Variants in FGGY observed in about 807,000 individuals in gnomAD.
FGGY encodes FGGY carbohydrate kinase domain-containing protein.
In FGGY, 72 loss-of-function variants were observed where a neutral mutation model predicts 71.3. The ratio of observed to expected loss-of-function variants is 1.01; its 90% CI spans 0.84 to 1.23. FGGY has a LOEUF of 1.23. Ranked by LOEUF, FGGY falls within the 50% of genes most tolerant of loss-of-function variation. FGGY has a pLI of 0.00. For missense variants in FGGY, 668 were observed against 682.3 expected (o/e 0.98, Z 0.23); for synonymous variants, 251 against 250.3 (o/e 1.00, Z -0.02).
intron 8 of FGGY, among the ~76,000 whole-genome samples, chr1:59,592,773 T>C (rs1324448877): frequency 4.4e-5 from 5 of 114,582 alleles, no homozygotes; most frequent in Non-Finnish European, 8.5e-5. Context: ...CATCACACTC[T>C]GGGGACTGTT....
chr1:59,386,545 C>T (rs1290364572), intron 5 of FGGY, among the ~76,000 whole-genome samples: 2 of 151,950 alleles, frequency 1.3e-5, no homozygotes, highest in African/African-American at 2.4e-5. Context: ...CCACCCCCCA[C>T]CCCCCACCAT....
At chr1:59,699,805 T>C (rs1207393954) in intron 14 of FGGY, among the ~76,000 whole-genome samples, 1 of 152,214 alleles carries the variant, frequency 6.6e-6, no homozygotes, top group Non-Finnish European at 1.5e-5. Context: ...ATGTCCCGCG[T>C]TGATTGCAGA....
chr1:59,411,592 G>T (rs2063606201), intron 5 of FGGY, among the ~76,000 whole-genome samples: 1 of 152,116 alleles, frequency 6.6e-6, no homozygotes, highest in Non-Finnish European at 1.5e-5. Flanking sequence ...GTTTTTCTAT[G>T]ATTATAATTC....
At chr1:59,710,594 T>C (rs2097786824) in intron 14 of FGGY, among the ~76,000 whole-genome samples, 2 of 152,034 alleles carry the variant, frequency 1.3e-5, no homozygotes, top group Non-Finnish European at 2.9e-5. Flanking sequence ...CTTAAACAAA[T>C]TTACAAGAAA....
chr1:59,472,044 C>A (rs2153547116), intron 6 of FGGY, among the ~76,000 whole-genome samples: 1 of 152,364 alleles, frequency 6.6e-6, no homozygotes, highest in East Asian at 1.9e-4. Flanking sequence ...TTGAGCCCTT[C>A]AGCCCGCCGC....
At chr1:59,473,475 C>T (rs1218320749) in intron 6 of FGGY, among the ~76,000 whole-genome samples, 1 of 152,192 alleles carries the variant, frequency 6.6e-6, no homozygotes, top group Non-Finnish European at 1.5e-5. Context: ...GACCAAGAAC[C>T]CAGCAATTCT....
intron 6 of FGGY, among the ~76,000 whole-genome samples, chr1:59,504,207 C>T (rs2094317016): frequency 7.2e-6 from 1 of 138,064 alleles, no homozygotes; most frequent in African/African-American, 2.6e-5. Flanking sequence ...CTCTGCGCCC[C>T]TTCCCCCTTA....
At chr1:59,316,784 A>G (rs2045530920) in intron 1 of FGGY, among the ~76,000 whole-genome samples, 1 of 152,158 alleles carries the variant, frequency 6.6e-6, no homozygotes, top group African/African-American at 2.4e-5. Flanking sequence ...GAAGTTAGGT[A>G]TGTCCCAGGA....
intron 5 of FGGY, among the ~76,000 whole-genome samples, chr1:59,393,963 A>G (rs1045523254): frequency 2.0e-5 from 3 of 152,184 alleles, no homozygotes; most frequent in Non-Finnish European, 4.4e-5. Flanking sequence ...ACACATATAT[A>G]AGAATGGCCA....
intron 11 of FGGY, among the ~76,000 whole-genome samples, chr1:59,657,594 G>A (rs2097232298): frequency 6.6e-6 from 1 of 152,194 alleles, no homozygotes; most frequent in African/African-American, 2.4e-5. Flanking sequence ...CATGACTAGT[G>A]ATCATTGCCA....
intron 7 of FGGY, among the ~76,000 whole-genome samples, chr1:59,550,442 A>G (rs933904438): frequency 1.3e-5 from 2 of 152,168 alleles, no homozygotes; most frequent in Non-Finnish European, 2.9e-5. Context: ...AACATCAGCT[A>G]TGCATGGCTG....
At chr1:59,413,888 G>T (rs2063961786) in intron 5 of FGGY, among the ~76,000 whole-genome samples, 1 of 152,312 alleles carries the variant, frequency 6.6e-6, no homozygotes, top group Admixed American at 6.5e-5. Flanking sequence ...TTGAACCTGG[G>T]ATGTGGAAGT....
Position 59,735,720 on chromosome 1 carries a change from C to A in FGGY, c.1513-22211C>A, listed in dbSNP as rs2098095813. Among the ~76,000 whole-genome samples, 3 of 152,360 alleles carry A rather than the reference C, an allele frequency of 2.0e-5. No individual in the cohort carries two copies. The South Asian group carries it at 6.2e-4, about 32-fold the overall frequency. ...TTAGAGGCAGGTTTCAAAACGAGGT[C>A]TCTGTCTCCAGAGTTTCTGCCATCA... On this transcript the variant is annotated intron_variant, in intron 14 of 15. Coordinates refer to ENST00000303721, the MANE Select transcript of FGGY (RefSeq NM_018291.5).
chr1:59,440,191 A>C (rs1284723706), intron 5 of FGGY, among the ~76,000 whole-genome samples: 1 of 152,086 alleles, frequency 6.6e-6, no homozygotes, highest in Non-Finnish European at 1.5e-5. Context: ...ATAAGCCCTA[A>C]GAGTGCTCTC....
Position 59,431,337 on chromosome 1 carries a change from C to G in FGGY, c.555-25624C>G, listed in dbSNP as rs2067324129. 1.3e-5 allele frequency among the ~76,000 whole-genome samples: 2 copies of G among 152,168 alleles called. 1 individual carries two copies. Among genetic ancestry groups the G allele is most frequent in the South Asian group, 4.1e-4 (2 of 4,834 alleles). On this transcript the variant is annotated intron_variant, in intron 5 of 15. Coordinates refer to ENST00000303721, the MANE Select transcript of FGGY (RefSeq NM_018291.5). ...TGTGATCCAGCTGCTCCCTGACTCT[C>G]CAGTCTTACCTCCTGTCACACTACC... is the stretch of plus-strand genomic sequence containing the variant.
chr1:59,372,494 GT>G (rs2057853152), intron 4 of FGGY, among the ~76,000 whole-genome samples: 1 of 152,110 alleles, frequency 6.6e-6, no homozygotes, highest in Non-Finnish European at 1.5e-5. Flanking sequence ...GGAGGAGCTG[GT>G]ACCATTCCTT....
chr1:59,367,399 A>G (rs901060693), intron 4 of FGGY, among the ~76,000 whole-genome samples: 4 of 152,244 alleles, frequency 2.6e-5, no homozygotes, highest in African/African-American at 9.6e-5. Flanking sequence ...GGAGTCTTGA[A>G]CATAGAGTGA....
At chr1:59,724,242 G>A (rs2097920962) in intron 14 of FGGY, among the ~76,000 whole-genome samples, 1 of 151,814 alleles carries the variant, frequency 6.6e-6, no homozygotes, top group African/African-American at 2.4e-5. Flanking sequence ...ACTTTGGGAG[G>A]CCGAGGCAGG....
At chr1:59,716,517 G>T (rs1434732657) in intron 14 of FGGY, among the ~76,000 whole-genome samples, 1 of 152,130 alleles carries the variant, frequency 6.6e-6, no homozygotes, top group Non-Finnish European at 1.5e-5. Context: ...CAGAGGAAAC[G>T]TTGCTAGGAA....
Sources: gnomAD v4.1 joint callset for allele counts (sites outside exome capture counted in the v4.1 genomes callset) on GRCh38, gnomAD v4.1.1 for gene constraint, MANE v1.5 for transcripts, NCBI Gene and HGNC (gene_info 2026-07-23, HGNC 2026-07-21) for gene names.